Variants in DSP observed in about 807,000 individuals in gnomAD.
DSP encodes desmoplakin, also known as 250/210 kDa paraneoplastic pemphigus antigen.
DSP carries 114 observed loss-of-function variants against 290.6 expected under a neutral mutation model. That is an observed-to-expected ratio of 0.39 (90% CI 0.34 to 0.46). The LOEUF is 0.46. Ranked by LOEUF, DSP falls within the 20% of genes least tolerant of loss-of-function variation. The probability of loss-of-function intolerance (pLI) is 0.99; values close to 1 mark genes in which losing one functional copy is unlikely to be tolerated. For synonymous variants in DSP, 1,311 were observed against 1,316.4 expected, an observed-to-expected ratio of 1.00 and a Z score of 0.09; for missense variants, 3,230 against 3,495.8, an observed-to-expected ratio of 0.92 and a Z score of 1.92.
chr6:7,570,583 T>A lies in DSP; in HGVS notation c.1701+20T>A. On this transcript the variant is annotated intron_variant, in intron 13 of 23. Coordinates refer to ENST00000379802, the MANE Select transcript of DSP (RefSeq NM_004415.4). The stretch of plus-strand genomic sequence containing the variant: ...GCCAAGGTATGTCCTCAGGGCCACT[T>A]AGGCTGCCTGGAGGGAGGGCAGCGC... 6.2e-7 allele frequency: 1 copy of A among 1,612,258 alleles called. No individual in the cohort carries two copies. Among genetic ancestry groups the A allele is most frequent in the East Asian group, 2.2e-5 (1 of 44,868 alleles).
chr6:7,582,611 T>C lies in DSP; in HGVS notation c.5380-31T>C. 6.4e-7 allele frequency: 1 copy of C among 1,568,166 alleles called. No individual in the cohort carries two copies. Among genetic ancestry groups the C allele is most frequent in the South Asian group, 1.1e-5 (1 of 89,998 alleles). ...AATATGATATGATTCAAAACATTAT[T>C]TTTTCCCATTTCTTTCTTCTTCAAT... On this transcript the variant is annotated intron_variant, in intron 23 of 23. Transcript: ENST00000379802. The surrounding 1 kb of genome is among the most constrained non-coding windows in gnomAD (Gnocchi z 4.2).
At chr6:7,573,990 T>A (rs557524030) in intron 15 of DSP, 96 bp from the exon 16 acceptor site, 1 of 1,261,456 alleles carries the variant, frequency 7.9e-7, no homozygotes, top group East Asian at 2.4e-5. Flanking sequence ...TTTCACTGTG[T>A]CTATGTGTAT....
chr6:7,542,330 G>A (rs1029152190), intron 1 of DSP, among the ~76,000 whole-genome samples: 3 of 152,174 alleles, frequency 2.0e-5, no homozygotes, highest in African/African-American at 7.2e-5. Flanking sequence ...GAGCCCGGGC[G>A]GGTGGTCAGA....
Position 7,584,772 on chromosome 6 carries a change from G to A in DSP, c.7510G>A (p.Glu2504Lys). 1.2e-6 allele frequency: 2 copies of A among 1,614,230 alleles called. No individual in the cohort carries two copies. Among genetic ancestry groups the A allele is most frequent in the Non-Finnish European group, 1.7e-6 (2 of 1,180,046 alleles). The stretch of plus-strand genomic sequence containing the variant: ...ACTGTGTGAGCAGGAATGTGAATGG[G>A]AAGAAATAACCATCACGGGATCAGA... ...KELCEQECEW[E>K]EITITGSDGS... Residue 2504 changes from glutamate to lysine, a missense_variant, in exon 24 of 24, where the codon GAA (glutamate) becomes AAA (lysine). Physicochemically the swap from Glu to Lys is moderately conservative, Grantham distance 56 (BLOSUM62 1). This residue lies in a region of DSP where 582 missense variants were observed against 555.4 expected (regional missense o/e 1.05). Transcript: ENST00000379802. The surrounding 1 kb of genome is among the most constrained non-coding windows in gnomAD (Gnocchi z 6.4).
chr6:7,579,985 G>A lies in DSP; in HGVS notation c.3795G>A (p.Glu1265=). The A allele has an allele frequency of 6.2e-7, 1 of 1,614,150 alleles. No homozygotes were observed. Among genetic ancestry groups the A allele is most frequent in the South Asian group, 1.1e-5 (1 of 91,078 alleles). ...ATGACAGCATCTTGCAGGCCACTGAGCAGCGAAGGCGAGCTGAAGAAAACG... is the reference window on the plus strand; with the variant it reads ...ATGACAGCATCTTGCAGGCCACTGAACAGCGAAGGCGAGCTGAAGAAAACG... The part of the protein sequence containing the change: ...RLNDSILQAT[E]QRRRAEENAL... Residue 1265 remains glutamate (E), a synonymous_variant, in exon 23 of 24, where the codon GAG becomes GAA. Transcript: ENST00000379802. The surrounding 1 kb of genome is among the most constrained non-coding windows in gnomAD (Gnocchi z 4.1).
intron 1 of DSP, among the ~76,000 whole-genome samples, chr6:7,547,185 G>T (rs535330098): frequency 6.6e-6 from 1 of 152,032 alleles, no homozygotes; most frequent in Non-Finnish European, 1.5e-5. Flanking sequence ...GCTTGAAAAC[G>T]TTCAGATGTG....
intron 17 of DSP, 133 bp from the exon 18 acceptor site, chr6:7,575,162 T>G: frequency 1.2e-6 from 1 of 849,818 alleles, no homozygotes; most frequent in Non-Finnish European, 1.9e-6. Context: ...TTCCCTGGAT[T>G]GACTGTTAAC....
chr6:7,565,281 G>T lies in DSP; in HGVS notation c.778-78G>T, dbSNP rs1430826656. Reference sequence around the variant, plus strand: ...GATTTTTTTTTTAAAGGGACCACAGGTTTAATCTTTAAACCTGCAGAGAAC... The same window carrying T: ...GATTTTTTTTTTAAAGGGACCACAGTTTTAATCTTTAAACCTGCAGAGAAC... On this transcript the variant is annotated intron_variant, in intron 6 of 23. Transcript: ENST00000379802. This position sits in a 1 kb window ranked among gnomAD's most constrained non-coding sequence, Gnocchi z 4.2. 4.4e-6 allele frequency: 7 copies of T among 1,577,492 alleles called. No individual in the cohort carries two copies. In the African/African-American group the frequency reaches 8.1e-5, roughly 18 times the overall value.
intron 14 of DSP, 124 bp from the exon 15 acceptor site, chr6:7,571,718 C>T: frequency 1.3e-6 from 2 of 1,505,582 alleles, no homozygotes; most frequent in Non-Finnish European, 1.8e-6. Flanking sequence ...ACTAAATTTT[C>T]AGAATTGATT....
chr6:7,542,696 C>A (rs1758037521), intron 1 of DSP, among the ~76,000 whole-genome samples: 1 of 152,186 alleles, frequency 6.6e-6, no homozygotes, highest in South Asian at 2.1e-4. Flanking sequence ...CTTCCCCTGT[C>A]CGGGAAACGA....
In DSP at chr6:7,579,265, C is replaced by G; in HGVS notation, c.3085-10C>G. 1 of 1,613,920 alleles carries G rather than the reference C, an allele frequency of 6.2e-7. No individual in the cohort carries two copies. The highest frequency in any genetic ancestry group is 1.7e-5 in the Admixed American group (1 of 60,000). On this transcript the variant is annotated splice_polypyrimidine_tract_variant and intron_variant, in intron 22 of 23. Coordinates refer to ENST00000379802, the MANE Select transcript of DSP (RefSeq NM_004415.4). This position sits in a 1 kb window ranked among gnomAD's most constrained non-coding sequence, Gnocchi z 4.1. ...TTTCTTTTGACATAATCTCTGATTT[C>G]ATTCCACAGCTGAAAAATACCAAGA...
rs762086895 is a variant in DSP at position 7,574,635 on chromosome 6, G to A, written c.2298-22G>A. On this transcript the variant is annotated intron_variant, in intron 16 of 23. Coordinates refer to ENST00000379802, the MANE Select transcript of DSP (RefSeq NM_004415.4). ...CTAATTATGTCACTGGCAATTTTAT[G>A]TGCTTCTTTTGCTCTTTCCAGCTTA... 2.5e-6 allele frequency: 4 copies of A among 1,613,770 alleles called. No homozygotes were observed. The African/African-American group carries it at 5.3e-5, about 22-fold the overall frequency.
intron 1 of DSP, among the ~76,000 whole-genome samples, chr6:7,547,366 G>C (rs559039462): frequency 6.6e-6 from 1 of 152,136 alleles, no homozygotes; most frequent in African/African-American, 2.4e-5. Flanking sequence ...TGAAAATGAA[G>C]ACAGTTTAGT....
rs1331983690 is a variant in DSP at position 7,577,048 on chromosome 6, T to C, written c.2877+6T>C. 6.2e-7 allele frequency: 1 copy of C among 1,604,158 alleles called. No homozygotes were observed. Among genetic ancestry groups the C allele is most frequent in the Non-Finnish European group, 8.5e-7 (1 of 1,174,728 alleles). On this transcript the variant is annotated splice_donor_region_variant and intron_variant, in intron 20 of 23. Transcript: ENST00000379802. ...TTTGCGCCAATTCAATTAAGGTATGTTGGTTTCATAAAGAATGTTGGTATT... is the reference window on the plus strand; with the variant it reads ...TTTGCGCCAATTCAATTAAGGTATGCTGGTTTCATAAAGAATGTTGGTATT...
chr6:7,551,647 A>G (rs1758346169), intron 1 of DSP, among the ~76,000 whole-genome samples: 1 of 151,700 alleles, frequency 6.6e-6, no homozygotes. Context: ...AAAAACAGGC[A>G]TGTTTCCTGA....
At chr6:7,571,213 G>A (rs1759039651) in intron 13 of DSP, among the ~76,000 whole-genome samples, 170 bp from the exon 14 acceptor site, 2 of 151,218 alleles carry the variant, frequency 1.3e-5, no homozygotes, top group Admixed American at 6.6e-5. Context: ...CCATTCCTGT[G>A]GCTCTTGGGA....
chr6:7,549,595 T>A (rs1758273536), intron 1 of DSP, among the ~76,000 whole-genome samples: 2 of 152,254 alleles, frequency 1.3e-5, no homozygotes, highest in African/African-American at 4.8e-5. Context: ...CAAATAGGCC[T>A]CACGGTCAAT....
rs770798708 is a variant in DSP at position 7,574,220 on chromosome 6, T to C, written c.2265T>C (p.Asn755=). Residue 755 remains asparagine (N), a synonymous_variant, in exon 16 of 24, where the codon AAT becomes AAC. Coordinates refer to ENST00000379802, the MANE Select transcript of DSP (RefSeq NM_004415.4). Reference sequence around the variant, plus strand: ...TTGGACTATTTCAGAAACTGGAAAATATCAATGGTGTTACAGATGGCTACT... The same window carrying C: ...TTGGACTATTTCAGAAACTGGAAAACATCAATGGTGTTACAGATGGCTACT... ...EVFGLFQKLE[N]INGVTDGYLN... is the part of the protein sequence containing the mutation. 8 of 1,613,880 alleles carry C rather than the reference T, an allele frequency of 5.0e-6. No individual in the cohort carries two copies. Among genetic ancestry groups the C allele is most frequent in the Non-Finnish European group, 6.8e-6 (8 of 1,179,958 alleles).
At chr6:7,552,044 A>T (rs896843529) in intron 1 of DSP, among the ~76,000 whole-genome samples, 1 of 152,226 alleles carries the variant, frequency 6.6e-6, no homozygotes, top group Non-Finnish European at 1.5e-5. Flanking sequence ...GCGGTCTTGA[A>T]AAGTTGTGTA....
Sources: allele counts gnomAD v4.1 joint callset (sites outside exome capture counted in the v4.1 genomes callset), GRCh38; gene constraint gnomAD v4.1.1; regional missense constraint gnomAD v4.1.1; non-coding constraint Gnocchi (gnomAD v3.1); transcripts MANE v1.5; gene names NCBI Gene and HGNC (gene_info 2026-07-23, HGNC 2026-07-21).